The following BBS9 variants were observed in gnomAD, a reference collection of about 807,000 sequenced individuals.
The protein encoded by BBS9 is Bardet-Biedl syndrome 9.
BBS9 carries 89 observed loss-of-function variants against 117.7 expected under a neutral mutation model. The observed-to-expected ratio is 0.76, with a 90% CI of 0.64 to 0.90. BBS9 has a LOEUF of 0.90. Ranked by LOEUF, BBS9 falls within the 40% of genes least tolerant of loss-of-function variation. The pLI is 0.00. For missense variants in BBS9, 982 were observed against 1,042.2 expected (o/e 0.94, Z 0.80); for synonymous variants, 379 against 370.9 (o/e 1.02, Z -0.25).
At chr7:33,318,834 G>A (rs1316308589) in intron 9 of BBS9, among the ~76,000 whole-genome samples, 1 of 152,032 alleles carries the variant, frequency 6.6e-6, no homozygotes, top group African/African-American at 2.4e-5. Flanking sequence ...AACATATGAT[G>A]TTTGGTTTTC....
intron 21 of BBS9, among the ~76,000 whole-genome samples, chr7:33,555,641 G>C (rs1234333931): frequency 6.6e-6 from 1 of 152,122 alleles, no homozygotes; most frequent in African/African-American, 2.4e-5. Context: ...TAAGGATTGA[G>C]GGGAAAGGAG....
intron 19 of BBS9, among the ~76,000 whole-genome samples, chr7:33,424,580 A>T (rs1833367988): frequency 6.6e-6 from 1 of 152,204 alleles, no homozygotes; most frequent in South Asian, 2.1e-4. Context: ...ATGAACTTTT[A>T]AAAAAGTTCC....
At chr7:33,135,701 T>C (rs1056311599) in intron 1 of BBS9, among the ~76,000 whole-genome samples, 9 of 152,236 alleles carry the variant, frequency 5.9e-5, no homozygotes, top group Non-Finnish European at 1.0e-4. Flanking sequence ...AATAACCTTG[T>C]TGATTTCTAC....
intron 2 of BBS9, among the ~76,000 whole-genome samples, chr7:33,152,231 T>A (rs1793452360): frequency 6.6e-6 from 1 of 152,188 alleles, no homozygotes; most frequent in Non-Finnish European, 1.5e-5. Flanking sequence ...ACAACACCCA[T>A]TCTATCATTT....
chr7:33,389,347 G>A (rs1826598717), intron 19 of BBS9, among the ~76,000 whole-genome samples: 1 of 152,078 alleles, frequency 6.6e-6, no homozygotes, highest in African/African-American at 2.4e-5. Context: ...CTAGGGGACA[G>A]AAAAATAGCT....
intron 21 of BBS9, among the ~76,000 whole-genome samples, chr7:33,539,312 T>G (rs1401730257): frequency 6.6e-6 from 1 of 152,172 alleles, no homozygotes; most frequent in Non-Finnish European, 1.5e-5. Context: ...CAGACAATAG[T>G]GGCTCAGAGC....
At chr7:33,225,446 A>G (rs1791070028) in intron 5 of BBS9, among the ~76,000 whole-genome samples, 1 of 152,086 alleles carries the variant, frequency 6.6e-6, no homozygotes, top group South Asian at 2.1e-4. Context: ...CAGTCCTTCT[A>G]CCTTGGCCTC....
intron 5 of BBS9, among the ~76,000 whole-genome samples, chr7:33,244,189 C>T (rs1794979436): frequency 6.6e-6 from 1 of 152,170 alleles, no homozygotes; most frequent in African/African-American, 2.4e-5. Flanking sequence ...GAGATTGTGC[C>T]ACTGCACTCC....
chr7:33,398,197 A>G (rs751068889), intron 19 of BBS9, among the ~76,000 whole-genome samples: 33 of 152,272 alleles, frequency 2.2e-4, no homozygotes, highest in Non-Finnish European at 4.3e-4. Context: ...TACCAGATAT[A>G]TTACCACAGA....
intron 21 of BBS9, among the ~76,000 whole-genome samples, chr7:33,598,870 T>G (rs553905906): frequency 1.3e-5 from 2 of 152,292 alleles, no homozygotes; most frequent in East Asian, 3.9e-4. Context: ...TCCGTGAGCC[T>G]TAGATTAGGC....
intron 16 of BBS9, among the ~76,000 whole-genome samples, chr7:33,360,399 G>T (rs1423803449): frequency 6.6e-6 from 1 of 151,832 alleles, no homozygotes; most frequent in Non-Finnish European, 1.5e-5. Context: ...CTTGCCAATA[G>T]AGAATCTTAT....
At chr7:33,429,795 G>T (rs1230716456) in intron 19 of BBS9, among the ~76,000 whole-genome samples, 3 of 151,960 alleles carry the variant, frequency 2.0e-5, no homozygotes, top group African/African-American at 7.3e-5. Context: ...ATTTAGTTTT[G>T]TCGCAGTGGT....
chr7:33,546,264 A>G (rs1392418235), intron 21 of BBS9, among the ~76,000 whole-genome samples: 1 of 152,108 alleles, frequency 6.6e-6, no homozygotes, highest in East Asian at 1.9e-4. Flanking sequence ...TCATTAGGTT[A>G]TTTCATTATT....
intron 19 of BBS9, among the ~76,000 whole-genome samples, chr7:33,425,678 C>T (rs143721950): frequency 3.9e-5 from 6 of 152,290 alleles, no homozygotes; most frequent in Non-Finnish European, 8.8e-5. Flanking sequence ...AAACTAAAGG[C>T]GCTGTTATGA....
intron 9 of BBS9, among the ~76,000 whole-genome samples, chr7:33,322,707 G>A (rs916753838): frequency 5.9e-5 from 9 of 151,472 alleles, no homozygotes; most frequent in Non-Finnish European, 1.5e-5. Flanking sequence ...ATTGATTTTT[G>A]TATTGTTTTC....
intron 4 of BBS9, 62 bp from the exon 5 acceptor site, chr7:33,177,416 G>A (rs1797481489): frequency 1.8e-6 from 2 of 1,122,476 alleles, no homozygotes; most frequent in African/African-American, 3.1e-5. Flanking sequence ...TAGTGGATGA[G>A]AACAAATTAA....
intron 21 of BBS9, among the ~76,000 whole-genome samples, chr7:33,621,134 G>A (rs918420528): frequency 6.6e-6 from 1 of 152,104 alleles, no homozygotes; most frequent in African/African-American, 2.4e-5. Flanking sequence ...ATAAGGAAAA[G>A]CTTCTTAACA....
intron 5 of BBS9, among the ~76,000 whole-genome samples, chr7:33,232,211 C>A (rs1286713548): frequency 6.6e-6 from 1 of 152,090 alleles, no homozygotes; most frequent in Non-Finnish European, 1.5e-5. Context: ...CAATACCAAT[C>A]TTTCTGATTT....
At chr7:33,627,762 C>T (rs1183717235) in intron 21 of BBS9, among the ~76,000 whole-genome samples, 1 of 152,158 alleles carries the variant, frequency 6.6e-6, no homozygotes, top group East Asian at 1.9e-4. Flanking sequence ...AATATTTATA[C>T]CACACAGGCT....
Sources: allele counts gnomAD v4.1 joint callset (sites outside exome capture counted in the v4.1 genomes callset), GRCh38; gene constraint gnomAD v4.1.1; transcripts MANE v1.5; gene names NCBI Gene and HGNC (gene_info 2026-07-23, HGNC 2026-07-21).